The following SUPT3H variants were observed in gnomAD, a reference collection of about 807,000 sequenced individuals.
The protein encoded by SUPT3H is transcription initiation protein SPT3 homolog.
In SUPT3H, 44 loss-of-function variants were observed where a neutral mutation model predicts 44.3. The ratio of observed to expected loss-of-function variants is 0.99; its 90% confidence interval spans 0.78 to 1.28. The LOEUF is 1.28. Among genes scored for constraint, SUPT3H ranks in the 50% most tolerant of loss-of-function variants. The probability of loss-of-function intolerance (pLI) is 0.00; values close to 1 mark genes in which losing one functional copy is unlikely to be tolerated. For synonymous variants in SUPT3H, 124 were observed against 125.6 expected (o/e 0.99, Z 0.09); for missense variants, 380 against 387.1 (o/e 0.98, Z 0.15).
chr6:45,274,507 A>C (rs1776701858), intron 2 of SUPT3H, among the ~76,000 whole-genome samples: 2 of 152,162 alleles, frequency 1.3e-5, no homozygotes, highest in African/African-American at 4.8e-5. Context: ...AAGAGGTCCA[A>C]ATTATTTCAT....
intron 2 of SUPT3H, among the ~76,000 whole-genome samples, chr6:45,132,917 C>T (rs9472441): frequency 6.8e-4 from 103 of 152,210 alleles, no homozygotes; most frequent in Non-Finnish European, 1.2e-3. Context: ...CATGATTTAT[C>T]CAACAGGACA....
intron 3 of SUPT3H, among the ~76,000 whole-genome samples, chr6:45,022,350 AT>A (rs1785262978): frequency 6.6e-6 from 1 of 151,986 alleles, no homozygotes; most frequent in African/African-American, 2.4e-5. Flanking sequence ...TTACAAACAT[AT>A]TAGCCAGGAT....
intron 2 of SUPT3H, among the ~76,000 whole-genome samples, chr6:45,363,441 A>C (rs1338434167): frequency 6.6e-6 from 1 of 152,182 alleles, no homozygotes; most frequent in African/African-American, 2.4e-5. Flanking sequence ...GGAAAAACAC[A>C]ATTATTGTTA....
chr6:45,076,088 T>A (rs1420609628), intron 3 of SUPT3H, among the ~76,000 whole-genome samples: 1 of 152,154 alleles, frequency 6.6e-6, no homozygotes, highest in Non-Finnish European at 1.5e-5. Flanking sequence ...TTATTTTGAC[T>A]GCATCCCAAA....
rs73441182 is a variant in SUPT3H, at chr6:45,266,151, G to A, written c.101+99050C>T. On this transcript the variant is annotated intron_variant, in intron 2 of 10. Transcript: ENST00000371459. Reference sequence around the variant, plus strand: ...AGTTATAGCTTGAAAACTTATAAACGTAACCTGACAATTTTTTTTTTAAGA... The same window carrying A: ...AGTTATAGCTTGAAAACTTATAAACATAACCTGACAATTTTTTTTTTAAGA... 7.3e-3 allele frequency among the ~76,000 whole-genome samples: 776 copies of A among 106,052 alleles called. 9 individuals carry two copies. The highest frequency in any genetic ancestry group is 0.031 in the African/African-American group (743 of 24,274). 69.6% of individuals were successfully genotyped at this position (106,052 alleles called of 152,430 possible). A position where few individuals can be genotyped will look rare whatever the true frequency, so the allele number is the denominator to read the frequency against.
chr6:45,140,445 A>G (rs1413030023), intron 2 of SUPT3H, among the ~76,000 whole-genome samples: 1 of 152,026 alleles, frequency 6.6e-6, no homozygotes, highest in African/African-American at 2.4e-5. Flanking sequence ...GCACCACCCA[A>G]CTCAGGCAAT....
intron 5 of SUPT3H, among the ~76,000 whole-genome samples, chr6:45,007,384 T>C (rs924301935): frequency 6.6e-6 from 1 of 152,106 alleles, no homozygotes; most frequent in African/African-American, 2.4e-5. Flanking sequence ...GAAATGCCTA[T>C]CATATGCATC....
In SUPT3H at chr6:45,168,571, A is replaced by C. The variant is rs138192629; in HGVS notation, c.102-62565T>G. 7.9e-5 allele frequency among the ~76,000 whole-genome samples: 12 copies of C among 152,318 alleles called. No individual in the cohort carries two copies. The East Asian group carries it at 2.3e-3, about 29-fold the overall frequency. Reference sequence around the variant, plus strand: ...TTCTAAAATGACTGAGACCTGTCTCAGATATTTGGGGATCACACAGTAAAT... The same window carrying C: ...TTCTAAAATGACTGAGACCTGTCTCCGATATTTGGGGATCACACAGTAAAT... On this transcript the variant is annotated intron_variant, in intron 2 of 10. Transcript: ENST00000371459.
At chr6:45,299,247 G>C (rs781212895) in intron 2 of SUPT3H, among the ~76,000 whole-genome samples, 2 of 150,332 alleles carry the variant, frequency 1.3e-5, no homozygotes, top group Non-Finnish European at 1.5e-5. Context: ...CAGCTACTTG[G>C]ATCACTTGAA....
intron 3 of SUPT3H, among the ~76,000 whole-genome samples, chr6:45,048,084 T>A (rs1789687172): frequency 6.6e-6 from 1 of 152,092 alleles, no homozygotes; most frequent in Non-Finnish European, 1.5e-5. Flanking sequence ...AAAATCCAAA[T>A]AAAGTTTGGA....
intron 2 of SUPT3H, among the ~76,000 whole-genome samples, chr6:45,294,631 C>G (rs932745856): frequency 6.8e-6 from 1 of 146,428 alleles, no homozygotes; most frequent in African/African-American, 2.5e-5. Flanking sequence ...CAGCAAAGTT[C>G]CCGGACACAA....
Position 45,346,828 on chromosome 6 carries a change from G to C in SUPT3H, c.101+18373C>G, listed in dbSNP as rs545237795. Among the ~76,000 whole-genome samples the C allele has an allele frequency of 9.2e-5, 14 of 152,290 alleles. No individual in the cohort carries two copies. In the East Asian group the frequency reaches 2.5e-3, roughly 27 times the overall value. ...GATTCGCCCACCTTGGCCCCCCAAA[G>C]TGCTAGGATTATAGGCGTGAGCCAT... On this transcript the variant is annotated intron_variant, in intron 2 of 10. Coordinates refer to ENST00000371459, the MANE Select transcript of SUPT3H (RefSeq NM_003599.4).
chr6:45,065,791 C>G (rs1048799998), intron 3 of SUPT3H, among the ~76,000 whole-genome samples: 1 of 151,746 alleles, frequency 6.6e-6, no homozygotes, highest in Non-Finnish European at 1.5e-5. Context: ...AGACCAATAA[C>G]AGGAGCTGAA....
chr6:45,023,750 G>A (rs1306120234), intron 3 of SUPT3H, among the ~76,000 whole-genome samples: 1 of 151,932 alleles, frequency 6.6e-6, no homozygotes, highest in Non-Finnish European at 1.5e-5. Context: ...TAGACACTGG[G>A]GCCTACTTGA....
intron 4 of SUPT3H, among the ~76,000 whole-genome samples, chr6:45,017,196 GT>G (rs1217490476): frequency 6.7e-6 from 1 of 149,386 alleles, no homozygotes; most frequent in African/African-American, 2.5e-5. Flanking sequence ...GGGGTTGTTT[GT>G]TTTTTTCTTG....
chr6:44,942,476 T>C (rs540595422), intron 9 of SUPT3H, among the ~76,000 whole-genome samples: 1 of 152,252 alleles, frequency 6.6e-6, no homozygotes, highest in East Asian at 1.9e-4. Flanking sequence ...CTTAGATCCT[T>C]GATAAACGAG....
intron 3 of SUPT3H, among the ~76,000 whole-genome samples, chr6:45,021,396 T>A (rs1785114856): frequency 6.6e-6 from 1 of 152,014 alleles, no homozygotes; most frequent in Admixed American, 6.6e-5. Flanking sequence ...AAAATGATAG[T>A]TCCGTTTTTT....
chr6:45,207,881 C>T (rs1763439624), intron 2 of SUPT3H, among the ~76,000 whole-genome samples: 1 of 152,132 alleles, frequency 6.6e-6, no homozygotes, highest in Non-Finnish European at 1.5e-5. Flanking sequence ...TGGAATTTGG[C>T]CAGTCAATAA....
chr6:45,238,151 T>C (rs1383037384), intron 2 of SUPT3H, among the ~76,000 whole-genome samples: 1 of 152,178 alleles, frequency 6.6e-6, no homozygotes, highest in Non-Finnish European at 1.5e-5. Flanking sequence ...TTTTTAGTGT[T>C]ACATTATTCA....
Sources: allele counts gnomAD v4.1 joint callset (sites outside exome capture counted in the v4.1 genomes callset), GRCh38; gene constraint gnomAD v4.1.1; transcripts MANE v1.5; gene names NCBI Gene and HGNC (gene_info 2026-07-23, HGNC 2026-07-21).